KCNK2: variants seen among roughly 807,000 people sequenced by gnomAD.
KCNK2 encodes potassium two pore domain channel subfamily K member 2.
Under a neutral mutation model 40.5 loss-of-function variants are expected in KCNK2, and 21 were observed. The ratio of observed to expected loss-of-function variants is 0.52; its 90% CI spans 0.37 to 0.75. The LOEUF (loss-of-function observed/expected upper bound fraction) is 0.75, where lower values mean the gene tolerates loss of function less well. Among genes scored for constraint, KCNK2 ranks in the 30% least tolerant of loss-of-function variants. The pLI is 0.00. For synonymous variants in KCNK2, 191 were observed against 202.2 expected (o/e 0.94, Z 0.47); for missense variants, 399 against 531.6 (o/e 0.75, Z 2.45).
chr1:215,164,215 T>G (rs1663337737), intron 3 of KCNK2, among the ~76,000 whole-genome samples: 1 of 152,212 alleles, frequency 6.6e-6, no homozygotes, highest in Non-Finnish European at 1.5e-5. Flanking sequence ...GTAGCGGTGT[T>G]TATAGTATTC....
upstream of KCNK2, chr1:215,082,200 T>G (rs1659186315): frequency 1.3e-5 from 2 of 152,372 alleles, no homozygotes; most frequent in South Asian, 2.1e-4. Flanking sequence ...GCCCAGCTCA[T>G]GTCCAGCACC....
At chr1:215,034,196 C>T (rs1657304006) in intron 1 of KCNK2, among the ~76,000 whole-genome samples, 1 of 152,084 alleles carries the variant, frequency 6.6e-6, no homozygotes, top group South Asian at 2.1e-4. Context: ...TGGTGACTTC[C>T]AAGTTTCTTA....
Position 215,176,554 on chromosome 1 carries a change from G to A in KCNK2, c.823+4371G>A, listed in dbSNP as rs1043687247. On this transcript the variant is annotated intron_variant, in intron 5 of 6. Coordinates refer to ENST00000444842, the MANE Select transcript of KCNK2 (RefSeq NM_001017425.3). ...CCCAATGTGTCCATGTGTTCTCATCGATCAGCTCATACTTGTAAGTGAGAA... is the reference window on the plus strand; with the variant it reads ...CCCAATGTGTCCATGTGTTCTCATCAATCAGCTCATACTTGTAAGTGAGAA... 1.1e-4 allele frequency among the ~76,000 whole-genome samples: 17 copies of A among 152,018 alleles called. 1 individual carries two copies. Among genetic ancestry groups the A allele is most frequent in the Non-Finnish European group, 1.6e-4 (11 of 68,016 alleles).
chr1:215,083,204 G>GCCCCCCCC lies in KCNK2; in HGVS notation c.-177_-176insCCCCCCCC. The GCCCCCCCC allele has an allele frequency of 3.7e-6, 1 of 273,550 alleles. No homozygotes were observed. Among genetic ancestry groups the GCCCCCCCC allele is most frequent in the Admixed American group, 4.8e-5 (1 of 20,862 alleles). 16.9% of individuals were successfully genotyped at this position (273,550 alleles called of 1,614,324 possible). ...CGTTTCTTCTCACGCTCCCCCCCCC[G>GCCCCCCCC]CCCCCTCCCGCGTCCAGCCCCGCTC... On this transcript the variant is annotated 5_prime_UTR_variant, in exon 1 of 7. Transcript: ENST00000444842.
rs761919111 is a variant in KCNK2 at position 215,086,544 on chromosome 1, A to T, written c.223A>T (p.Ile75Phe). ...CCTGGTGGTTGTCCTCTATCTGATC[A>T]TCGGAGCCACCGTGTTCAAAGCATT... is the stretch of plus-strand genomic sequence containing the variant. ...IFLVVVLYLI[I>F]GATVFKALEQ... is the part of the protein sequence containing the mutation. Residue 75 changes from isoleucine to phenylalanine, a missense_variant, in exon 2 of 7, where the codon ATC becomes TTC. Around this residue, in one of 3 missense-constraint regions of KCNK2, gnomAD observed 279 missense variants for 353.8 expected, o/e 0.79. Coordinates refer to ENST00000444842, the MANE Select transcript of KCNK2 (RefSeq NM_001017425.3). 2.5e-6 allele frequency: 4 copies of T among 1,614,222 alleles called. No homozygotes were observed. The highest frequency in any genetic ancestry group is 3.4e-6 in the Non-Finnish European group (4 of 1,180,038).
In KCNK2 at chr1:215,112,185, G is replaced by T. The variant is rs1441206140; in HGVS notation, c.358-12448G>T. On this transcript the variant is annotated intron_variant, in intron 2 of 6. Transcript: ENST00000444842. ...AGCCTTTTGGAAAGTCTGCTTGCTG[G>T]ACATATGTTTCAGTCAGTCTTCTCT... Among the ~76,000 whole-genome samples the T allele has an allele frequency of 5.3e-5, 8 of 152,078 alleles. No homozygotes were observed. In the South Asian group the frequency reaches 1.7e-3, roughly 32 times the overall value.
chr1:215,051,770 T>G (rs1444725484), intron 1 of KCNK2, among the ~76,000 whole-genome samples: 3 of 152,082 alleles, frequency 2.0e-5, no homozygotes, highest in Non-Finnish European at 4.4e-5. Context: ...ATGGGAGGGT[T>G]AGAAAATCAT....
intron 1 of KCNK2, among the ~76,000 whole-genome samples, chr1:215,009,252 G>T (rs553947774): frequency 1.3e-5 from 2 of 151,944 alleles, no homozygotes; most frequent in Non-Finnish European, 2.9e-5. Context: ...AAAGCACTTG[G>T]GCAGAACCAC....
intron 6 of KCNK2, among the ~76,000 whole-genome samples, chr1:215,215,695 G>A (rs1285907868): frequency 6.6e-6 from 1 of 152,114 alleles, no homozygotes; most frequent in Non-Finnish European, 1.5e-5. Flanking sequence ...TAGGCTCTTT[G>A]ATTTCCTTTC....
intron 6 of KCNK2, among the ~76,000 whole-genome samples, chr1:215,202,522 G>A (rs1469158086): frequency 3.9e-5 from 6 of 152,204 alleles, no homozygotes; most frequent in African/African-American, 1.4e-4. Flanking sequence ...TGTATGAGCA[G>A]TCATTTCTGC....
intron 1 of KCNK2, among the ~76,000 whole-genome samples, chr1:215,043,637 G>A (rs145679990): frequency 6.6e-6 from 1 of 152,284 alleles, no homozygotes; most frequent in African/African-American, 2.4e-5. Context: ...CATGGGCTTG[G>A]GGGAGGGAGG....
chr1:215,171,930 CT>C, intron 4 of KCNK2, 66 bp from the exon 5 acceptor site: 1 of 1,068,006 alleles, frequency 9.4e-7, no homozygotes, highest in Non-Finnish European at 1.3e-6. Flanking sequence ...GTCTCTCTCT[CT>C]CTCTCTCTCT....
At chr1:215,209,471 A>ACATAT (rs1665513610) in intron 6 of KCNK2, among the ~76,000 whole-genome samples, 2 of 1,964 alleles carry the variant, frequency 1.0e-3, no homozygotes, top group Non-Finnish European at 1.6e-3. Context: ...TATATATAAT[A>ACATAT]TATATTATAT....
At chr1:215,067,472 T>A (rs2363551) in intron 1 of KCNK2, among the ~76,000 whole-genome samples, 145,968 of 152,260 alleles carry the variant, frequency 0.96, 70,248 homozygotes, top group East Asian at 1. Context: ...CTCCCAATAA[T>A]ATGTGATGAT....
At chr1:215,224,585 T>G (rs1666308906) in intron 6 of KCNK2, among the ~76,000 whole-genome samples, 1 of 151,400 alleles carries the variant, frequency 6.6e-6, no homozygotes, top group African/African-American at 2.4e-5. Context: ...AGACTGAAAA[T>G]TTTCTTTAAA....
At chr1:215,204,399 A>T (rs1009803117) in intron 6 of KCNK2, among the ~76,000 whole-genome samples, 1 of 151,914 alleles carries the variant, frequency 6.6e-6, no homozygotes, top group Non-Finnish European at 1.5e-5. Context: ...TTCCTTTGTA[A>T]ATAATAGGAA....
At chr1:215,041,836 A>C (rs1657575128) in intron 1 of KCNK2, among the ~76,000 whole-genome samples, 1 of 152,188 alleles carries the variant, frequency 6.6e-6, no homozygotes, top group Non-Finnish European at 1.5e-5. Flanking sequence ...GCATTAGTCC[A>C]TTTTAATACT....
At chr1:215,230,565 T>TAC (rs1666614099) in intron 6 of KCNK2, among the ~76,000 whole-genome samples, 1 of 96,160 alleles carries the variant, frequency 1.0e-5, no homozygotes, top group African/African-American at 4.2e-5. Context: ...CAGCCATATA[T>TAC]ATATATATAT....
At chr1:215,184,596 A>T (rs976632410) in intron 5 of KCNK2, among the ~76,000 whole-genome samples, 3 of 152,164 alleles carry the variant, frequency 2.0e-5, no homozygotes, top group Admixed American at 2.0e-4. Context: ...GGGGAAGCAA[A>T]CATGTCCTTC....
Sources: gnomAD v4.1 joint callset for allele counts (sites outside exome capture counted in the v4.1 genomes callset) on GRCh38, gnomAD v4.1.1 for gene constraint, gnomAD v4.1.1 regional missense constraint, MANE v1.5 for transcripts, NCBI Gene and HGNC (gene_info 2026-07-23, HGNC 2026-07-21) for gene names.